The following ATP5PD variants were observed in gnomAD, a reference collection of about 807,000 sequenced individuals.
ATP5PD encodes ATP synthase peripheral stalk subunit d.
In ATP5PD, 13 loss-of-function variants were observed where a neutral mutation model predicts 22.6. The observed-to-expected ratio is 0.58, with a 90% CI of 0.37 to 0.91. The LOEUF is 0.91. Among genes scored for constraint, ATP5PD ranks in the 40% least tolerant of loss-of-function variants. The pLI, the probability that ATP5PD is intolerant of heterozygous loss-of-function variation, is 0.00. For synonymous variants in ATP5PD, 51 were observed against 65.0 expected (o/e 0.79, Z 1.03); for missense variants, 165 against 188.0 (o/e 0.88, Z 0.72).
At chr17:75,039,095 T>A in intron 5 of ATP5PD, 32 bp from the exon 6 acceptor site, 2 of 1,613,086 alleles carry the variant, frequency 1.2e-6, no homozygotes, top group Non-Finnish European at 1.7e-6. Flanking sequence ...TTAGTTAATG[T>A]AAACAGAGAC....
chr17:75,044,199 A>ATTT (rs755560156), intron 1 of ATP5PD, among the ~76,000 whole-genome samples: 1 of 94,696 alleles, frequency 1.1e-5, no homozygotes, highest in Non-Finnish European at 1.9e-5. Context: ...TAATTTTTGT[A>ATTT]TTTTTTTTTT....
chr17:75,043,611 CAAA>C (rs533075854), intron 1 of ATP5PD, among the ~76,000 whole-genome samples: 2 of 80,686 alleles, frequency 2.5e-5, no homozygotes, highest in Admixed American at 1.5e-4. Context: ...GACTCTGTCT[CAAA>C]AAAAAAAAAA....
rs1415111720 is a variant in ATP5PD at position 75,042,247 on chromosome 17, A to G, written c.153T>C (p.Ala51=). 1.2e-6 allele frequency: 2 copies of G among 1,614,228 alleles called. No homozygotes were observed. The highest frequency in any genetic ancestry group is 1.7e-6 in the Non-Finnish European group (2 of 1,180,026). The part of the protein sequence containing the change: ...RLAALPENPP[A]IDWAYYKANV... Reference sequence around the variant, plus strand: ...TGGCCTTGTAGTAAGCCCAGTCGATAGCTGGTGGATTCTCAGGTAAAGCAG... The same window carrying G: ...TGGCCTTGTAGTAAGCCCAGTCGATGGCTGGTGGATTCTCAGGTAAAGCAG... The change falls in exon 3 of 6, where the codon GCT becomes GCC. Residue 51 remains alanine, a synonymous_variant. Coordinates refer to ENST00000301587, the MANE Select transcript of ATP5PD (RefSeq NM_006356.3).
chr17:75,045,122 G>A (rs1334093264), intron 1 of ATP5PD, among the ~76,000 whole-genome samples: 4 of 152,160 alleles, frequency 2.6e-5, no homozygotes, highest in Admixed American at 1.3e-4. Flanking sequence ...GACATCACAC[G>A]TTGGTAGGAT....
At chr17:75,046,716 G>A (rs971746212) in intron 1 of ATP5PD, among the ~76,000 whole-genome samples, 6 of 152,210 alleles carry the variant, frequency 3.9e-5, no homozygotes, top group Admixed American at 1.3e-4. Context: ...GGACACAGCC[G>A]GGCCCCCCTG....
chr17:75,042,989 A>C (rs1163276173), intron 1 of ATP5PD, among the ~76,000 whole-genome samples: 1 of 152,162 alleles, frequency 6.6e-6, no homozygotes, highest in Admixed American at 6.5e-5. Context: ...TGGGAGGCCA[A>C]GACGGTTGGA....
chr17:75,044,770 A>G (rs546406394), intron 1 of ATP5PD, among the ~76,000 whole-genome samples: 2 of 152,356 alleles, frequency 1.3e-5, no homozygotes, highest in South Asian at 4.1e-4. Context: ...GTCAGATATT[A>G]AAAGACTGCA....
intron 1 of ATP5PD, among the ~76,000 whole-genome samples, chr17:75,045,791 G>A (rs535883028): frequency 3.9e-5 from 6 of 152,172 alleles, no homozygotes; most frequent in Non-Finnish European, 8.8e-5. Flanking sequence ...GTCCTGGAAC[G>A]ATATACATCC....
chr17:75,044,030 T>C (rs1260873380), intron 1 of ATP5PD, among the ~76,000 whole-genome samples: 1 of 151,092 alleles, frequency 6.6e-6, no homozygotes, highest in Non-Finnish European at 1.5e-5. Flanking sequence ...GCACTTTTTT[T>C]TTTTTTTTTT....
chr17:75,043,094 C>T (rs1000204754), intron 1 of ATP5PD, among the ~76,000 whole-genome samples: 15 of 151,208 alleles, frequency 9.9e-5, no homozygotes, highest in African/African-American at 2.9e-4. Flanking sequence ...TGGTGGCCCG[C>T]GCCATAATCC....
intron 3 of ATP5PD, 181 bp downstream of exon 3, chr17:75,042,000 C>CAG: frequency 1.8e-6 from 1 of 560,278 alleles, no homozygotes; most frequent in Non-Finnish European, 3.1e-6. Context: ...GCTGAATGAA[C>CAG]AGAGCCTAAA....
At position 75,044,448 on chromosome 17, in the gene ATP5PD, A is replaced by G. The variant is rs1178713030; in HGVS notation, c.-9-1789T>C. Among the ~76,000 whole-genome samples the G allele has an allele frequency of 7.6e-5, 8 of 105,880 alleles. 3 individuals carry two copies. The highest frequency in any genetic ancestry group is 1.6e-4 in the African/African-American group (2 of 12,800). 69.5% of individuals were successfully genotyped at this position (105,880 alleles called of 152,430 possible). A position where few individuals can be genotyped will look rare whatever the true frequency, so the allele number is the denominator to read the frequency against. ...TCTCGATCTCCTGACCTCATGATCC[A>G]CCCGCCTCGGCCTCCCAAAGTGCTG... On this transcript the variant is annotated intron_variant, in intron 1 of 5. Coordinates refer to ENST00000301587, the MANE Select transcript of ATP5PD (RefSeq NM_006356.3).
intron 1 of ATP5PD, among the ~76,000 whole-genome samples, chr17:75,044,067 C>CG (rs2073187731): frequency 6.6e-6 from 1 of 150,644 alleles, no homozygotes; most frequent in Non-Finnish European, 1.5e-5. Context: ...CTCTGTCCCC[C>CG]GGGCTGGAGT....
intron 4 of ATP5PD, chr17:75,039,587 C>T: frequency 2.9e-6 from 1 of 339,036 alleles, no homozygotes; most frequent in East Asian, 5.7e-5. Flanking sequence ...ACCTGAGCAC[C>T]TAGCCAGACT....
rs553483525 is a variant in ATP5PD, at chr17:75,042,246, T to C, written c.154A>G (p.Ile52Val). 1 of 1,614,202 alleles carries C rather than the reference T, an allele frequency of 6.2e-7. No individual in the cohort carries two copies. The highest frequency in any genetic ancestry group is 1.1e-5 in the South Asian group (1 of 91,078). The change falls in exon 3 of 6, where the codon ATC (isoleucine) becomes GTC (valine). Residue 52 changes from isoleucine to valine, a missense_variant. Physicochemically the swap from Ile to Val is conservative, Grantham distance 29 (BLOSUM62 3). Coordinates refer to ENST00000301587, the MANE Select transcript of ATP5PD (RefSeq NM_006356.3). ...LAALPENPPA[I>V]DWAYYKANVA... ...TTGGCCTTGTAGTAAGCCCAGTCGA[T>C]AGCTGGTGGATTCTCAGGTAAAGCA...
chr17:75,040,568 G>A (rs776650424), intron 3 of ATP5PD: 19 of 211,474 alleles, frequency 9.0e-5, no homozygotes, highest in Admixed American at 1.6e-4. Context: ...GGAGCACTGC[G>A]TAATGAATGG....
At chr17:75,045,925 C>T (rs1220746067) in intron 1 of ATP5PD, among the ~76,000 whole-genome samples, 1 of 152,196 alleles carries the variant, frequency 6.6e-6, no homozygotes, top group Non-Finnish European at 1.5e-5. Flanking sequence ...GCAGTAAAGA[C>T]AGGCATAAGA....
intron 1 of ATP5PD, among the ~76,000 whole-genome samples, chr17:75,045,988 A>G (rs2073211507): frequency 6.6e-6 from 1 of 152,234 alleles, no homozygotes; most frequent in African/African-American, 2.4e-5. Context: ...AAATCTTCAC[A>G]ATCCACGTTC....
chr17:75,044,641 C>G lies in ATP5PD; in HGVS notation c.-9-1982G>C, dbSNP rs184419767. Among the ~76,000 whole-genome samples, 39 of 152,204 alleles carry G rather than the reference C, an allele frequency of 2.6e-4. 1 individual carries two copies. In the East Asian group the frequency reaches 7.3e-3, roughly 29 times the overall value. On this transcript the variant is annotated intron_variant, in intron 1 of 5. Coordinates refer to ENST00000301587, the MANE Select transcript of ATP5PD (RefSeq NM_006356.3). ...ACAGGCATGAGCCACCGCGCCCGGC[C>G]TGCATTTTAAGAGGTATTCAACACA...
Sources: allele counts gnomAD v4.1 joint callset (sites outside exome capture counted in the v4.1 genomes callset), GRCh38; gene constraint gnomAD v4.1.1; transcripts MANE v1.5; gene names NCBI Gene and HGNC (gene_info 2026-07-23, HGNC 2026-07-21).